SH3KBP1: variants seen among roughly 807,000 people sequenced by gnomAD.
SH3KBP1 encodes the protein SH3 domain containing kinase binding protein 1.
In SH3KBP1, 8 loss-of-function variants were observed where a neutral mutation model predicts 50.1. The ratio of observed to expected loss-of-function variants is 0.16; its 90% CI spans 0.09 to 0.29. The LOEUF (loss-of-function observed/expected upper bound fraction) is 0.29, where lower values mean the gene tolerates loss of function less well. SH3KBP1 is among the 10% of genes least tolerant of loss of function. The pLI is 1.00. For missense variants in SH3KBP1, 377 were observed against 535.2 expected, an observed-to-expected ratio of 0.70 and a Z score of 2.92; for synonymous variants, 227 against 218.6, an observed-to-expected ratio of 1.04 and a Z score of -0.34.
intron 2 of SH3KBP1, among the ~76,000 whole-genome samples, chrX:19,814,233 C>T (rs1193291487): frequency 9.0e-6 from 1 of 111,355 alleles, no homozygotes; most frequent in African/African-American, 3.3e-5. Context: ...CCACTTCTCA[C>T]CCTCCCACTG....
intron 8 of SH3KBP1, among the ~76,000 whole-genome samples, chrX:19,618,138 C>T (rs2067674469): frequency 9.0e-6 from 1 of 110,706 alleles, no homozygotes; most frequent in South Asian, 3.8e-4. Context: ...GTAATCTAAG[C>T]ACTTTGGGAG....
intron 8 of SH3KBP1, among the ~76,000 whole-genome samples, chrX:19,618,749 G>A (rs1179101992): frequency 9.1e-6 from 1 of 110,295 alleles, no homozygotes; most frequent in Non-Finnish European, 1.9e-5. Flanking sequence ...GCTGAGGTGA[G>A]CGGATCACTT....
chrX:19,818,147 T>C (rs1182669850), intron 2 of SH3KBP1, among the ~76,000 whole-genome samples: 1 of 112,174 alleles, frequency 8.9e-6, no homozygotes, highest in Non-Finnish European at 1.9e-5. Flanking sequence ...TGAGAACATA[T>C]CCCTGTTGTT....
intron 8 of SH3KBP1, among the ~76,000 whole-genome samples, chrX:19,621,389 G>A (rs1182128221): frequency 9.2e-6 from 1 of 109,081 alleles, no homozygotes; most frequent in African/African-American, 3.3e-5. Flanking sequence ...ATGCCCGGTC[G>A]CCAACACCAT....
At chrX:19,608,729 G>A (rs1343907182) in intron 8 of SH3KBP1, among the ~76,000 whole-genome samples, 1 of 112,279 alleles carries the variant, frequency 8.9e-6, no homozygotes, top group African/African-American at 3.2e-5. Flanking sequence ...AATGTGATTA[G>A]CCTGTCACAA....
At chrX:19,796,551 C>T (rs1225130133) in intron 2 of SH3KBP1, among the ~76,000 whole-genome samples, 1 of 111,807 alleles carries the variant, frequency 8.9e-6, no homozygotes, top group East Asian at 2.8e-4. Context: ...CATCTGAGAG[C>T]ATCAGGGCAG....
intron 13 of SH3KBP1, among the ~76,000 whole-genome samples, chrX:19,554,072 ACATTATATATAT>A (rs1269532892): frequency 0.018 from 1,098 of 61,153 alleles, 24 homozygotes; most frequent in African/African-American, 0.045. Context: ...ATATTAAAAT[ACATTATATATAT>A]TAAAATATAA....
intron 1 of SH3KBP1, among the ~76,000 whole-genome samples, chrX:19,881,845 A>G (rs1402651569): frequency 8.9e-6 from 1 of 111,899 alleles, no homozygotes; most frequent in Non-Finnish European, 1.9e-5. Flanking sequence ...TAGAAGACAA[A>G]GACTTCCAGT....
intron 1 of SH3KBP1, among the ~76,000 whole-genome samples, chrX:19,838,914 A>T (rs1453815247): frequency 3.7e-5 from 4 of 109,529 alleles, no homozygotes; most frequent in African/African-American, 1.3e-4. Context: ...AAAGAAAAAA[A>T]GAAAAGGAAA....
intron 1 of SH3KBP1, among the ~76,000 whole-genome samples, chrX:19,845,206 C>T (rs1349145937): frequency 1.8e-5 from 2 of 110,812 alleles, no homozygotes; most frequent in African/African-American, 3.3e-5. Flanking sequence ...AGGCCGGGCA[C>T]GGTGGCTCAA....
chrX:19,589,840 C>T (rs936946589), intron 11 of SH3KBP1, among the ~76,000 whole-genome samples: 2 of 109,184 alleles, frequency 1.8e-5, no homozygotes, highest in African/African-American at 6.7e-5. Flanking sequence ...CCCATCAGGG[C>T]TGGGCGCGGT....
intron 2 of SH3KBP1, among the ~76,000 whole-genome samples, chrX:19,759,868 G>A (rs1017933323): frequency 2.7e-5 from 3 of 111,128 alleles, no homozygotes; most frequent in Admixed American, 1.9e-4. Flanking sequence ...AAAAGGAATG[G>A]GAGGAGGGGG....
intron 1 of SH3KBP1, among the ~76,000 whole-genome samples, chrX:19,854,494 G>A (rs1488703622): frequency 8.9e-6 from 1 of 111,827 alleles, no homozygotes; most frequent in Non-Finnish European, 1.9e-5. Flanking sequence ...AGAGCGATGT[G>A]CCTACATGTA....
At chrX:19,551,323 G>A (rs931409864) in intron 13 of SH3KBP1, among the ~76,000 whole-genome samples, 7 of 110,221 alleles carry the variant, frequency 6.4e-5, no homozygotes, top group Non-Finnish European at 3.8e-5. Flanking sequence ...CCAAGAGGGA[G>A]CCCATCAGCA....
chrX:19,770,107 G>C (rs140352193), intron 2 of SH3KBP1, among the ~76,000 whole-genome samples: 174 of 111,808 alleles, frequency 1.6e-3, no homozygotes, highest in South Asian at 3.0e-3. Context: ...AGGTAAACTA[G>C]TGTCATGAGG....
intron 15 of SH3KBP1, among the ~76,000 whole-genome samples, chrX:19,543,988 C>T (rs2065015237): frequency 9.0e-6 from 1 of 110,684 alleles, no homozygotes; most frequent in South Asian, 3.8e-4. Context: ...GGTGGTGAAG[C>T]TTGGCAACGC....
chrX:19,874,732 T>C (rs1423322670), intron 1 of SH3KBP1, among the ~76,000 whole-genome samples: 3 of 73,114 alleles, frequency 4.1e-5, no homozygotes, highest in African/African-American at 1.7e-4. Flanking sequence ...ACAGTGAGGA[T>C]GCGGGGAGAG....
chrX:19,809,954 T>C (rs1313665782), intron 2 of SH3KBP1, among the ~76,000 whole-genome samples: 1 of 112,691 alleles, frequency 8.9e-6, no homozygotes, highest in Non-Finnish European at 1.9e-5. Flanking sequence ...CTTAAATAAT[T>C]CACTATCTCA....
chrX:19,556,267 G>T (rs147267660), intron 13 of SH3KBP1, among the ~76,000 whole-genome samples: 22 of 110,010 alleles, frequency 2.0e-4, no homozygotes, highest in Middle Eastern at 4.7e-3. Context: ...TAAGAGCAAG[G>T]CTAGAAATCC....
Sources: allele counts gnomAD v4.1 joint callset (sites outside exome capture counted in the v4.1 genomes callset), GRCh38; gene constraint gnomAD v4.1.1; transcripts MANE v1.5; gene names NCBI Gene and HGNC (gene_info 2026-07-23, HGNC 2026-07-21).